The following XPO5 variants were observed in gnomAD, a reference collection of about 807,000 sequenced individuals.
XPO5 encodes the protein exportin-5.
XPO5 carries 46 observed loss-of-function variants against 160.6 expected under a neutral mutation model. That is an observed-to-expected ratio of 0.29 (90% CI 0.23 to 0.37). XPO5 has a LOEUF of 0.37. Ranked by LOEUF, XPO5 falls within the 10% of genes least tolerant of loss-of-function variation. XPO5 has a pLI of 1.00. For missense variants in XPO5, 1,090 were observed against 1,463.9 expected (o/e 0.74, Z 4.17); for synonymous variants, 537 against 519.3 (o/e 1.03, Z -0.46).
At chr6:43,554,445 A>G (rs925827272) in intron 13 of XPO5, among the ~76,000 whole-genome samples, 9 of 141,284 alleles carry the variant, frequency 6.4e-5, no homozygotes, top group Non-Finnish European at 1.1e-4. Context: ...TTCTTTTTTG[A>G]GATGGAGTCC....
intron 11 of XPO5, among the ~76,000 whole-genome samples, chr6:43,559,760 T>C (rs923589619): frequency 6.6e-6 from 1 of 152,210 alleles, no homozygotes; most frequent in Non-Finnish European, 1.5e-5. Context: ...TAAGAAAATA[T>C]GTCCAGTAAA....
Position 43,570,867 on chromosome 6 carries a change from GA to G in XPO5, c.427del (p.Ser143ProfsTer11). On this transcript the variant is annotated frameshift_variant, in exon 4 of 32. Coordinates refer to ENST00000265351, the MANE Select transcript of XPO5 (RefSeq NM_020750.3). LOFTEE classifies it high-confidence loss of function. ...AGCTGTGTTTCATACCCCTTGTTTG[GA>G]AAGAGTGTCCAATTCTATTAGCATG... The part of the protein sequence containing the change: ...PDMLIELDTL[S>X]KQGETQTELV... 1 of 1,610,672 alleles carries G rather than the reference GA, an allele frequency of 6.2e-7. No homozygotes were observed. Among genetic ancestry groups the G allele is most frequent in the South Asian group, 1.1e-5 (1 of 90,070 alleles).
At chr6:43,575,578 A>G (rs994263015) in intron 1 of XPO5, among the ~76,000 whole-genome samples, 182 bp downstream of exon 1, 6 of 152,204 alleles carry the variant, frequency 3.9e-5, no homozygotes, top group African/African-American at 1.4e-4. Context: ...AGGAGCGGCG[A>G]GTAGAGAAGG....
At chr6:43,569,232 C>T (rs970538601) in intron 5 of XPO5, among the ~76,000 whole-genome samples, 2 of 147,366 alleles carry the variant, frequency 1.4e-5, no homozygotes, top group African/African-American at 5.0e-5. Context: ...GCAGAGGTTG[C>T]AGTGAACCAA....
In XPO5 at chr6:43,572,451, T is replaced by C. The variant is rs1763059582; in HGVS notation, c.300+55A>G. ...TTACACAAACTCCCTATTGAAGAAG[T>C]CACGCTTTGCCTAAACTACCTTGGA... On this transcript the variant is annotated intron_variant, in intron 3 of 31. Transcript: ENST00000265351. 2 of 1,564,150 alleles carry C rather than the reference T, an allele frequency of 1.3e-6. 1 individual carries two copies. The highest frequency in any genetic ancestry group is 1.8e-6 in the Non-Finnish European group (2 of 1,135,130).
intron 20 of XPO5, among the ~76,000 whole-genome samples, chr6:43,537,919 T>C (rs1384662456): frequency 6.6e-6 from 1 of 151,122 alleles, no homozygotes; most frequent in Non-Finnish European, 1.5e-5. Flanking sequence ...ATACAAAAAA[T>C]TAGCCAGGCG....
Position 43,526,765 on chromosome 6 carries a change from G to C in XPO5, c.2921-18C>G. On this transcript the variant is annotated intron_variant, in intron 26 of 31. Coordinates refer to ENST00000265351, the MANE Select transcript of XPO5 (RefSeq NM_020750.3). ...GCAAACCGCTAAAGCAAGAAAGCAG[G>C]GTTACTAGGTGAAGGGTGGGTATAT... 1 of 1,612,386 alleles carries C rather than the reference G, an allele frequency of 6.2e-7. No individual in the cohort carries two copies.
At chr6:43,554,832 C>G (rs981371489) in intron 13 of XPO5, 3 of 152,084 alleles carry the variant, frequency 2.0e-5, no homozygotes, top group African/African-American at 7.2e-5. Flanking sequence ...TACCAAATAT[C>G]AGAGAATTTA....
intron 23 of XPO5, among the ~76,000 whole-genome samples, chr6:43,530,202 A>G (rs1477510204): frequency 6.6e-6 from 1 of 152,198 alleles, no homozygotes; most frequent in African/African-American, 2.4e-5. Context: ...AGTTGCAGTA[A>G]GACAAGATCA....
intron 16 of XPO5, 33 bp downstream of exon 16, chr6:43,549,860 G>A (rs778034378): frequency 6.3e-7 from 1 of 1,588,136 alleles, no homozygotes; most frequent in Non-Finnish European, 8.6e-7. Flanking sequence ...TACTCAAGAA[G>A]TTAGAATCTA....
intron 17 of XPO5, among the ~76,000 whole-genome samples, chr6:43,548,731 T>G (rs1266810921): frequency 6.6e-6 from 1 of 150,756 alleles, no homozygotes; most frequent in Admixed American, 6.6e-5. Flanking sequence ...TATATATATA[T>G]AGATATATAT....
At chr6:43,536,787 A>AAAAAAAAAAAAAG (rs1561869430) in intron 20 of XPO5, among the ~76,000 whole-genome samples, 1 of 148,548 alleles carries the variant, frequency 6.7e-6, no homozygotes, top group African/African-American at 2.6e-5. Flanking sequence ...AAAAAAAAAA[A>AAAAAAAAAAAAAG]AAAGCAGCTT....
chr6:43,535,708 G>C (rs959818220), intron 20 of XPO5, among the ~76,000 whole-genome samples: 2 of 151,316 alleles, frequency 1.3e-5, no homozygotes, highest in African/African-American at 4.9e-5. Flanking sequence ...CAGCTACTCG[G>C]AAGGCTGAGG....
chr6:43,539,783 G>C, intron 20 of XPO5: 1 of 578,514 alleles, frequency 1.7e-6, no homozygotes, highest in South Asian at 2.3e-5. Context: ...TCTGTTCCTT[G>C]AAGGTCTGGG....
chr6:43,540,997 G>A (rs1323160935), intron 20 of XPO5, among the ~76,000 whole-genome samples: 1 of 151,986 alleles, frequency 6.6e-6, no homozygotes, highest in Non-Finnish European at 1.5e-5. Context: ...AAATAAGCCA[G>A]GCACAGAAAG....
At chr6:43,559,811 C>T (rs1239899645) in intron 11 of XPO5, among the ~76,000 whole-genome samples, 1 of 152,140 alleles carries the variant, frequency 6.6e-6, no homozygotes, top group East Asian at 1.9e-4. Flanking sequence ...TAATGCCAAT[C>T]AGTCTTTTTT....
In XPO5 at chr6:43,567,819, T is replaced by C. The variant is rs141810815; in HGVS notation, c.649-465A>G. ...CAGGCATGATGGTGTGCATCTATAG[T>C]CCCAGCTACTCATGAGGTTGAGGTA... On this transcript the variant is annotated intron_variant, in intron 6 of 31. Transcript: ENST00000265351. Among the ~76,000 whole-genome samples, 3 of 152,080 alleles carry C rather than the reference T, an allele frequency of 2.0e-5. No homozygotes were observed. The East Asian group carries it at 5.8e-4, about 29-fold the overall frequency.
intron 17 of XPO5, among the ~76,000 whole-genome samples, chr6:43,548,692 T>C (rs1292941437): frequency 6.6e-6 from 1 of 151,754 alleles, no homozygotes; most frequent in Non-Finnish European, 1.5e-5. Flanking sequence ...TTTCCCATAC[T>C]ACAACTGTGA....
intron 26 of XPO5, 196 bp from the exon 27 acceptor site, chr6:43,526,943 A>G (rs920292736): frequency 1.9e-4 from 109 of 577,120 alleles, no homozygotes; most frequent in Non-Finnish European, 6.6e-5. Flanking sequence ...TGGTCCTTCA[A>G]GTTCAACTAG....
Sources: allele counts gnomAD v4.1 joint callset (sites outside exome capture counted in the v4.1 genomes callset), GRCh38; gene constraint gnomAD v4.1.1; transcripts MANE v1.5; gene names NCBI Gene and HGNC (gene_info 2026-07-23, HGNC 2026-07-21).